SPAG16: variants seen among roughly 807,000 people sequenced by gnomAD.
The protein encoded by SPAG16 is sperm associated antigen 16, also known as sperm-associated antigen 16 protein.
Under a neutral mutation model 80.4 loss-of-function variants are expected in SPAG16, and 86 were observed. The observed-to-expected ratio is 1.07, with a 90% confidence interval of 0.90 to 1.28. The LOEUF (loss-of-function observed/expected upper bound fraction) is 1.28, where lower values mean the gene tolerates loss of function less well. Ranked by LOEUF, SPAG16 falls within the 50% of genes most tolerant of loss-of-function variation. SPAG16 has a pLI of 0.00. For missense variants in SPAG16, 870 were observed against 765.3 expected, an observed-to-expected ratio of 1.14 and a Z score of -1.61; for synonymous variants, 294 against 265.9, an observed-to-expected ratio of 1.11 and a Z score of -1.03.
At chr2:214,239,488 C>A (rs1338689728) in intron 15 of SPAG16, 4 of 152,106 alleles carry the variant, frequency 2.6e-5, no homozygotes, top group African/African-American at 9.7e-5. Context: ...AAGCTCTCTT[C>A]TTTTTCATTA....
At chr2:213,669,524 G>A (rs577923825) in intron 10 of SPAG16, among the ~76,000 whole-genome samples, 3 of 152,134 alleles carry the variant, frequency 2.0e-5, no homozygotes, top group Non-Finnish European at 4.4e-5. Flanking sequence ...GTAATGTTTA[G>A]TAACACTCAA....
chr2:213,880,362 G>C (rs1012761491), intron 11 of SPAG16, among the ~76,000 whole-genome samples: 2 of 152,116 alleles, frequency 1.3e-5, no homozygotes, highest in African/African-American at 4.8e-5. Context: ...GTTCCTTGTA[G>C]ATTCTGTATA....
chr2:214,186,703 T>C (rs545348601), intron 15 of SPAG16, among the ~76,000 whole-genome samples: 6 of 152,002 alleles, frequency 3.9e-5, no homozygotes, highest in Non-Finnish European at 8.8e-5. Flanking sequence ...TCCTCTCCTA[T>C]GGGATAAAAA....
chr2:214,275,159 T>G (rs1692365346), intron 15 of SPAG16, among the ~76,000 whole-genome samples: 1 of 152,234 alleles, frequency 6.6e-6, no homozygotes, highest in African/African-American at 2.4e-5. Flanking sequence ...TTACCATTTT[T>G]TATTGTGTCT....
intron 10 of SPAG16, among the ~76,000 whole-genome samples, chr2:213,628,371 G>T (rs1488430311): frequency 6.6e-6 from 1 of 152,154 alleles, no homozygotes; most frequent in Admixed American, 6.5e-5. Flanking sequence ...TGGCCCTTCT[G>T]TGCACTAAAA....
chr2:213,315,153 T>C (rs1446767570), intron 4 of SPAG16, among the ~76,000 whole-genome samples: 2 of 152,024 alleles, frequency 1.3e-5, no homozygotes, highest in Non-Finnish European at 2.9e-5. Context: ...AATATTTTTC[T>C]GTGCTCAAAT....
At chr2:213,803,952 GA>G (rs950023922) in intron 10 of SPAG16, among the ~76,000 whole-genome samples, 1 of 152,156 alleles carries the variant, frequency 6.6e-6, no homozygotes, top group African/African-American at 2.4e-5. Context: ...CTCAGAATTA[GA>G]AAATTCCTTG....
intron 7 of SPAG16, among the ~76,000 whole-genome samples, chr2:213,361,324 C>G (rs2065964683): frequency 6.7e-6 from 1 of 150,370 alleles, no homozygotes; most frequent in South Asian, 2.1e-4. Flanking sequence ...TATATTTTAT[C>G]TTTTTTAGAT....
intron 8 of SPAG16, among the ~76,000 whole-genome samples, chr2:213,373,704 T>A (rs1301695213): frequency 6.6e-6 from 1 of 152,200 alleles, no homozygotes; most frequent in African/African-American, 2.4e-5. Flanking sequence ...TTTTCTTTCC[T>A]CTGATATTAC....
intron 10 of SPAG16, among the ~76,000 whole-genome samples, chr2:213,510,046 CAAAT>C (rs1356297691): frequency 6.6e-6 from 1 of 151,958 alleles, no homozygotes; most frequent in African/African-American, 2.4e-5. Flanking sequence ...CACCTCTACA[CAAAT>C]AAACTAGAAA....
intron 5 of SPAG16, among the ~76,000 whole-genome samples, chr2:213,324,467 A>T (rs2063760013): frequency 6.6e-6 from 1 of 152,066 alleles, no homozygotes; most frequent in African/African-American, 2.4e-5. Flanking sequence ...GAATTTTTTC[A>T]CTTTAGATTA....
intron 10 of SPAG16, among the ~76,000 whole-genome samples, chr2:213,686,733 CTGGAGTGTAG>C (rs2064698003): frequency 1.7e-5 from 2 of 120,528 alleles, no homozygotes; most frequent in Non-Finnish European, 1.6e-5. Context: ...GTCACCCAGG[CTGGAGTGTAG>C]TGGTGCCGTC....
intron 15 of SPAG16, among the ~76,000 whole-genome samples, chr2:214,380,218 A>T (rs1335474263): frequency 2.4e-4 from 36 of 152,214 alleles, no homozygotes; most frequent in Admixed American, 2.4e-3. Context: ...AACAGTGCAA[A>T]TTTCACTATT....
At chr2:213,402,114 G>A (rs1278357728) in intron 9 of SPAG16, among the ~76,000 whole-genome samples, 3 of 151,760 alleles carry the variant, frequency 2.0e-5, no homozygotes, top group Non-Finnish European at 4.4e-5. Flanking sequence ...ACTGGTTTTA[G>A]GATCTCATAT....
chr2:213,598,635 A>G (rs992689275), intron 10 of SPAG16, among the ~76,000 whole-genome samples: 1 of 152,176 alleles, frequency 6.6e-6, no homozygotes, highest in Non-Finnish European at 1.5e-5. Flanking sequence ...TGTTGTCTCT[A>G]TTGTAATTTT....
At chr2:214,307,761 G>C (rs977620891) in intron 15 of SPAG16, among the ~76,000 whole-genome samples, 38 of 152,014 alleles carry the variant, frequency 2.5e-4, no homozygotes, top group African/African-American at 9.2e-4. Flanking sequence ...TGAGAGAGTG[G>C]TTGCTATGAT....
chr2:214,101,588 A>T (rs1209884715), intron 13 of SPAG16, among the ~76,000 whole-genome samples: 1 of 152,074 alleles, frequency 6.6e-6, no homozygotes, highest in East Asian at 1.9e-4. Flanking sequence ...GAGGGTTAGG[A>T]GGTGCGTATC....
chr2:214,138,128 A>G (rs1374293555), intron 14 of SPAG16, among the ~76,000 whole-genome samples: 1 of 152,130 alleles, frequency 6.6e-6, no homozygotes, highest in Non-Finnish European at 1.5e-5. Context: ...TTACATTTAC[A>G]TGAGGATTTT....
chr2:214,309,166 C>A (rs1459293550), intron 15 of SPAG16, among the ~76,000 whole-genome samples: 3 of 151,984 alleles, frequency 2.0e-5, no homozygotes, highest in Non-Finnish European at 4.4e-5. Context: ...TTCTTTACTC[C>A]ACTTGGCCTA....
Sources: allele counts gnomAD v4.1 joint callset (sites outside exome capture counted in the v4.1 genomes callset), GRCh38; gene constraint gnomAD v4.1.1; transcripts MANE v1.5; gene names NCBI Gene and HGNC (gene_info 2026-07-23, HGNC 2026-07-21).